The following NCK2 variants were observed in gnomAD, a reference collection of about 807,000 sequenced individuals.
NCK2 encodes the protein cytoplasmic protein NCK2.
In NCK2, 16 loss-of-function variants were observed where a neutral mutation model predicts 33.9. The observed-to-expected ratio is 0.47, with a 90% CI of 0.32 to 0.72. The LOEUF (loss-of-function observed/expected upper bound fraction) is 0.72. NCK2 is among the 30% of genes least tolerant of loss of function. The pLI, the probability that NCK2 is intolerant of heterozygous loss-of-function variation, is 0.03. For synonymous variants in NCK2, 273 were observed against 239.9 expected (o/e 1.14, Z -1.27); for missense variants, 418 against 537.3 (o/e 0.78, Z 2.19).
rs889764953 is a variant in NCK2, at chr2:105,799,984, C to T, written c.-200-16446C>T. 3.9e-5 allele frequency among the ~76,000 whole-genome samples: 6 copies of T among 152,180 alleles called. No homozygotes were observed. In the South Asian group the frequency reaches 6.2e-4, roughly 16 times the overall value. ...CCTCCCAAGAGTTTCCTTTGGTCAG[C>T]GTAGCTTCTGGTAATAAGGAAATCT... On this transcript the variant is annotated intron_variant, in intron 1 of 4. Transcript: ENST00000233154.
At chr2:105,825,635 A>G (rs1348507339) in intron 2 of NCK2, among the ~76,000 whole-genome samples, 1 of 152,238 alleles carries the variant, frequency 6.6e-6, no homozygotes, top group African/African-American at 2.4e-5. Context: ...ATGTTATCAC[A>G]TAGCAGAGAA....
chr2:105,771,857 C>G (rs1269933364), intron 1 of NCK2, among the ~76,000 whole-genome samples: 5 of 152,122 alleles, frequency 3.3e-5, no homozygotes, highest in African/African-American at 4.8e-5. Flanking sequence ...TGAGGCCTGC[C>G]CATCACTCAG....
At chr2:105,854,942 G>T in intron 2 of NCK2, 106 bp from the exon 3 acceptor site, 1 of 746,646 alleles carries the variant, frequency 1.3e-6, no homozygotes, top group Admixed American at 2.5e-5. Flanking sequence ...AAAACTGGTT[G>T]CAGAGTTGTA....
Position 105,800,253 on chromosome 2 carries a change from G to T in NCK2, c.-200-16177G>T, listed in dbSNP as rs550369963. The stretch of plus-strand genomic sequence containing the variant: ...GAGTCCCCAGGCTCCGGTTCCAACT[G>T]CACACCTTGTTCTCTGTCCTCCCTG... On this transcript the variant is annotated intron_variant, in intron 1 of 4. Coordinates refer to ENST00000233154, the MANE Select transcript of NCK2 (RefSeq NM_003581.5). Among the ~76,000 whole-genome samples the T allele has an allele frequency of 2.0e-5, 3 of 152,312 alleles. No individual in the cohort carries two copies. The South Asian group carries it at 6.2e-4, about 32-fold the overall frequency.
At chr2:105,772,047 T>A (rs1168456107) in intron 1 of NCK2, among the ~76,000 whole-genome samples, 2 of 152,194 alleles carry the variant, frequency 1.3e-5, no homozygotes, top group Non-Finnish European at 2.9e-5. Context: ...GCTTGTAAGC[T>A]GCGTCCTGCC....
intron 1 of NCK2, among the ~76,000 whole-genome samples, chr2:105,745,364 A>C (rs1226481693): frequency 6.6e-6 from 1 of 151,478 alleles, no homozygotes; most frequent in Admixed American, 6.6e-5. Flanking sequence ...CCGCCTTCCC[A>C]TCCCTAACCC....
intron 1 of NCK2, among the ~76,000 whole-genome samples, chr2:105,784,737 T>C (rs575298716): frequency 8.5e-5 from 13 of 152,360 alleles, no homozygotes; most frequent in Admixed American, 7.8e-4. Context: ...GCAGTGTGTC[T>C]GTTGAGGTCC....
intron 1 of NCK2, among the ~76,000 whole-genome samples, chr2:105,790,220 C>T (rs748395451): frequency 6.6e-6 from 1 of 152,232 alleles, no homozygotes; most frequent in Non-Finnish European, 1.5e-5. Flanking sequence ...AAATAGTGTG[C>T]ATGTCATTAG....
chr2:105,807,807 TCTATCTCTCCCTCCCTCCCTC>T (rs1675130007), intron 1 of NCK2, among the ~76,000 whole-genome samples: 1 of 9,704 alleles, frequency 1.0e-4, no homozygotes, highest in Non-Finnish European at 1.7e-4. Context: ...CTCCCTCCCT[TCTATCTCTCCCTCCCTCCCTC>T]CCTTCTATCT....
chr2:105,821,909 C>T (rs1407015165), intron 2 of NCK2, among the ~76,000 whole-genome samples: 5 of 150,414 alleles, frequency 3.3e-5, no homozygotes, highest in Admixed American at 3.3e-4. Context: ...CTTACCAGCC[C>T]ACGTTCCTTC....
Position 105,835,388 on chromosome 2 carries a change from C to CGTATATATATATATATATAT in NCK2, c.-17+18775_-17+18776insGTATATATATATATATATAT. The stretch of plus-strand genomic sequence containing the variant: ...TTATATATATATACATATATATACA[C>CGTATATATATATATATATAT]ATATATATATATATATACGTGTATA... On this transcript the variant is annotated intron_variant, in intron 2 of 4. Transcript: ENST00000233154. Among the ~76,000 whole-genome samples the CGTATATATATATATATATAT allele has an allele frequency of 1.1e-3, 57 of 52,058 alleles. 4 individuals are homozygous for CGTATATATATATATATATAT. The highest frequency in any genetic ancestry group is 5.8e-3 in the South Asian group (8 of 1,380). 34.2% of individuals were successfully genotyped at this position (52,058 alleles called of 152,430 possible). A position where few individuals can be genotyped will look rare whatever the true frequency, so the allele number is the denominator to read the frequency against.
intron 2 of NCK2, among the ~76,000 whole-genome samples, chr2:105,843,971 C>G (rs1676748970): frequency 6.6e-6 from 1 of 152,178 alleles, no homozygotes. Flanking sequence ...AGGTCAACAT[C>G]AGCAGTCTGC....
intron 2 of NCK2, among the ~76,000 whole-genome samples, chr2:105,823,702 A>G (rs953450993): frequency 6.6e-6 from 1 of 151,950 alleles, no homozygotes; most frequent in Non-Finnish European, 1.5e-5. Flanking sequence ...GCCTTCCTGT[A>G]AGGTCCGTGG....
intron 2 of NCK2, chr2:105,847,238 T>A (rs890032564): frequency 6.6e-6 from 1 of 152,112 alleles, no homozygotes; most frequent in African/African-American, 2.4e-5. Flanking sequence ...ATAGATGATG[T>A]TGATGTTTGC....
At chr2:105,793,739 G>A (rs1281675191) in intron 1 of NCK2, among the ~76,000 whole-genome samples, 1 of 152,220 alleles carries the variant, frequency 6.6e-6, no homozygotes, top group African/African-American at 2.4e-5. Flanking sequence ...AGCTGCCTTA[G>A]GTGGCCTTCG....
chr2:105,832,989 T>C (rs1676257533), intron 2 of NCK2, among the ~76,000 whole-genome samples: 1 of 145,666 alleles, frequency 6.9e-6, no homozygotes, highest in Non-Finnish European at 1.5e-5. Flanking sequence ...GGTCTTTTCT[T>C]TGTTGGGAGA....
At chr2:105,886,867 GC>G (rs1394845842) in intron 4 of NCK2, among the ~76,000 whole-genome samples, 1 of 152,216 alleles carries the variant, frequency 6.6e-6, no homozygotes, top group Non-Finnish European at 1.5e-5. Flanking sequence ...TTGGACAGCT[GC>G]TCTGTAGTTG....
intron 1 of NCK2, among the ~76,000 whole-genome samples, chr2:105,795,274 CAT>C (rs972164028): frequency 5.3e-4 from 81 of 151,816 alleles, no homozygotes; most frequent in African/African-American, 1.9e-3. Context: ...TGAGCAAACA[CAT>C]ATGTGTATAC....
intron 1 of NCK2, among the ~76,000 whole-genome samples, chr2:105,813,590 G>C (rs1033563023): frequency 4.6e-5 from 7 of 152,192 alleles, no homozygotes; most frequent in Admixed American, 3.9e-4. Context: ...ACAGGCATTG[G>C]GGATGCAGAA....
Sources: gnomAD v4.1 joint callset for allele counts (sites outside exome capture counted in the v4.1 genomes callset) on GRCh38, gnomAD v4.1.1 for gene constraint, MANE v1.5 for transcripts, NCBI Gene and HGNC (gene_info 2026-07-23, HGNC 2026-07-21) for gene names.